Variants in HSPA12A observed in about 807,000 individuals in gnomAD.
HSPA12A encodes the protein heat shock 70 kDa protein 12A.
A neutral mutation model predicts 69.2 loss-of-function variants in HSPA12A; 28 were observed. The ratio of observed to expected loss-of-function variants is 0.40; its 90% CI spans 0.30 to 0.55. The LOEUF is 0.55. Ranked by LOEUF, HSPA12A falls within the 20% of genes least tolerant of loss-of-function variation. The pLI, the probability that HSPA12A is intolerant of heterozygous loss-of-function variation, is 0.38. For synonymous variants in HSPA12A, 345 were observed against 370.5 expected, an observed-to-expected ratio of 0.93 and a Z score of 0.79; for missense variants, 686 against 900.7, an observed-to-expected ratio of 0.76 and a Z score of 3.05.
intron 2 of HSPA12A, among the ~76,000 whole-genome samples, chr10:116,823,955 A>G (rs1845453890): frequency 6.6e-6 from 1 of 152,192 alleles, no homozygotes; most frequent in African/African-American, 2.4e-5. Flanking sequence ...CATCATCAAG[A>G]AGGTGAAAAG....
intron 1 of HSPA12A, among the ~76,000 whole-genome samples, chr10:116,719,724 G>A (rs184702887): frequency 6.6e-6 from 1 of 152,212 alleles, no homozygotes; most frequent in Admixed American, 6.5e-5. Context: ...TTATTACTTA[G>A]ATGGCATCTC....
intron 1 of HSPA12A, among the ~76,000 whole-genome samples, chr10:116,835,831 CATCCCTGAAT>C (rs1845699412): frequency 6.6e-6 from 1 of 152,152 alleles, no homozygotes; most frequent in Non-Finnish European, 1.5e-5. Flanking sequence ...GAGCTTTACT[CATCCCTGAAT>C]TAAAGATGAG....
At chr10:116,732,698 A>G (rs1321808151) in intron 1 of HSPA12A, among the ~76,000 whole-genome samples, 1 of 152,224 alleles carries the variant, frequency 6.6e-6, no homozygotes, top group African/African-American at 2.4e-5. Flanking sequence ...TGAGTTAAGC[A>G]TTCTTCAAAT....
intron 1 of HSPA12A, among the ~76,000 whole-genome samples, chr10:116,849,235 G>A (rs901618780): frequency 6.6e-6 from 1 of 152,220 alleles, no homozygotes; most frequent in African/African-American, 2.4e-5. Flanking sequence ...GCCGCGCTCC[G>A]GCAAAACGCG....
intron 2 of HSPA12A, among the ~76,000 whole-genome samples, chr10:116,776,995 A>T (rs1345058733): frequency 2.0e-5 from 3 of 152,258 alleles, no homozygotes; most frequent in Non-Finnish European, 4.4e-5. Context: ...AGAAGCATCA[A>T]GGAAGCAATG....
chr10:116,723,893 GACCAT>G lies in HSPA12A; in HGVS notation c.41-16613_41-16609del, dbSNP rs1554884703. Among the ~76,000 whole-genome samples the G allele has an allele frequency of 7.2e-5, 11 of 152,186 alleles. No individual in the cohort carries two copies. Among genetic ancestry groups the G allele is most frequent in the Non-Finnish European group, 1.6e-4 (11 of 68,038 alleles). ...GCCCGATGCCCACCTGAGGGCCCCT[GACCAT>G]ACCCCAGTAGCTGAGGCCAGCGGGT... On this transcript the variant is annotated intron_variant, in intron 1 of 11. Coordinates refer to ENST00000369209, the MANE Select transcript of HSPA12A (RefSeq NM_025015.3). The surrounding 1 kb of genome is among the most constrained non-coding windows in gnomAD (Gnocchi z 4.1).
rs373278492 is a variant in HSPA12A, at chr10:116,742,038, C to T, written c.40+392G>A. Among the ~76,000 whole-genome samples the T allele has an allele frequency of 7.8e-4, 119 of 152,262 alleles. 1 individual carries two copies. The East Asian group carries it at 0.022, about 28-fold the overall frequency. On this transcript the variant is annotated intron_variant, in intron 1 of 11. Coordinates refer to ENST00000369209, the MANE Select transcript of HSPA12A (RefSeq NM_025015.3). ...GGCCACCCGGCCACCCGGCGGCGGG[C>T]CCTTTACCCAGCCAGCGCCGGCCTC... is the stretch of plus-strand genomic sequence containing the variant.
At chr10:116,835,795 A>G (rs1287384586) in intron 1 of HSPA12A, among the ~76,000 whole-genome samples, 3 of 152,138 alleles carry the variant, frequency 2.0e-5, no homozygotes. Context: ...GTGCTTTATA[A>G]AGGTAGCACA....
chr10:116,722,463 T>C (rs548244677), intron 1 of HSPA12A, among the ~76,000 whole-genome samples: 6 of 152,278 alleles, frequency 3.9e-5, no homozygotes, highest in South Asian at 2.1e-4. Context: ...CTGAATGGCA[T>C]AGACACCACA....
At chr10:116,775,181 A>G (rs1347627687) in intron 2 of HSPA12A, among the ~76,000 whole-genome samples, 1 of 152,242 alleles carries the variant, frequency 6.6e-6, no homozygotes, top group East Asian at 1.9e-4. Context: ...AGAACGTGCG[A>G]GTTCCTTATA....
At chr10:116,690,095 G>A (rs1188448799) in intron 6 of HSPA12A, among the ~76,000 whole-genome samples, 1 of 152,170 alleles carries the variant, frequency 6.6e-6, no homozygotes, top group African/African-American at 2.4e-5. Context: ...TATAATAATG[G>A]GGGATGGAGA....
At chr10:116,849,388 C>A in intron 1 of HSPA12A, 2 of 776,864 alleles carry the variant, frequency 2.6e-6, no homozygotes, top group Admixed American at 3.8e-5. Flanking sequence ...AAAGACAGAG[C>A]AGCGAGCGCA....
At chr10:116,688,941 A>G (rs1828256767) in intron 6 of HSPA12A, among the ~76,000 whole-genome samples, 1 of 152,154 alleles carries the variant, frequency 6.6e-6, no homozygotes, top group South Asian at 2.1e-4. Flanking sequence ...TTCTGTTATC[A>G]TCTTTTCACT....
intron 2 of HSPA12A, among the ~76,000 whole-genome samples, chr10:116,803,365 G>C (rs1844999717): frequency 6.6e-6 from 1 of 152,200 alleles, no homozygotes; most frequent in Non-Finnish European, 1.5e-5. Flanking sequence ...CCAGACAGTG[G>C]GGCTGGCAAG....
intron 2 of HSPA12A, among the ~76,000 whole-genome samples, chr10:116,811,564 C>T (rs1253611448): frequency 7.4e-6 from 1 of 135,432 alleles, no homozygotes; most frequent in African/African-American, 2.9e-5. Flanking sequence ...AACTTGGATT[C>T]CTCTTTGCTT....
intron 2 of HSPA12A, among the ~76,000 whole-genome samples, chr10:116,768,623 C>G (rs1007911248): frequency 6.6e-6 from 1 of 152,170 alleles, no homozygotes; most frequent in South Asian, 2.1e-4. Flanking sequence ...AAGTGAACCT[C>G]CTGTCTCAGC....
At chr10:116,775,835 G>A (rs1448081977) in intron 2 of HSPA12A, among the ~76,000 whole-genome samples, 1 of 152,118 alleles carries the variant, frequency 6.6e-6, no homozygotes, top group Non-Finnish European at 1.5e-5. Context: ...CTCTGTCCCT[G>A]GGGTCTTGTG....
intron 5 of HSPA12A, among the ~76,000 whole-genome samples, chr10:116,694,135 C>T (rs1318306514): frequency 6.6e-6 from 1 of 152,174 alleles, no homozygotes; most frequent in Non-Finnish European, 1.5e-5. Context: ...GTCAGTTCCC[C>T]AGCGGGTAGG....
At chr10:116,815,448 G>T (rs1845284745) in intron 2 of HSPA12A, among the ~76,000 whole-genome samples, 2 of 152,090 alleles carry the variant, frequency 1.3e-5, no homozygotes, top group African/African-American at 2.4e-5. Flanking sequence ...GGTGGTGCGT[G>T]CCCGTAGCCC....
Sources: allele counts gnomAD v4.1 joint callset (sites outside exome capture counted in the v4.1 genomes callset), GRCh38; gene constraint gnomAD v4.1.1; non-coding constraint Gnocchi (gnomAD v3.1); transcripts MANE v1.5; gene names NCBI Gene and HGNC (gene_info 2026-07-23, HGNC 2026-07-21).